Variants in NPAS3 observed in about 807,000 individuals in gnomAD.
NPAS3 encodes neuronal PAS domain-containing protein 3.
NPAS3 carries 14 observed loss-of-function variants against 73.1 expected under a neutral mutation model. That is an observed-to-expected ratio of 0.19 (90% CI 0.13 to 0.30). NPAS3 has a LOEUF of 0.30. Ranked by LOEUF, NPAS3 falls within the 10% of genes least tolerant of loss-of-function variation. The probability of loss-of-function intolerance (pLI) is 1.00; values close to 1 mark genes in which losing one functional copy is unlikely to be tolerated. For synonymous variants in NPAS3, 620 were observed against 541.5 expected (o/e 1.14, Z -2.01); for missense variants, 1,096 against 1,250.0 (o/e 0.88, Z 1.86).
At chr14:33,488,592 G>T (rs2051728989) in intron 4 of NPAS3, among the ~76,000 whole-genome samples, 1 of 152,138 alleles carries the variant, frequency 6.6e-6, no homozygotes, top group South Asian at 2.1e-4. Context: ...TTCCCTGAAT[G>T]AGTTCATCAT....
intron 3 of NPAS3, among the ~76,000 whole-genome samples, chr14:33,289,048 A>G (rs1594607916): frequency 6.6e-6 from 1 of 152,210 alleles, no homozygotes; most frequent in South Asian, 2.1e-4. Flanking sequence ...CAAGTCACTT[A>G]CGGAGAGAAA....
intron 3 of NPAS3, among the ~76,000 whole-genome samples, chr14:33,302,039 G>A (rs1263851074): frequency 2.6e-5 from 4 of 152,132 alleles, no homozygotes; most frequent in Non-Finnish European, 4.4e-5. Flanking sequence ...GCTTATGTCT[G>A]TTTTATTCAC....
chr14:33,756,171 T>C (rs1425224815), intron 7 of NPAS3, among the ~76,000 whole-genome samples: 2 of 152,184 alleles, frequency 1.3e-5, no homozygotes, highest in Non-Finnish European at 2.9e-5. Flanking sequence ...CCTCTTTGCA[T>C]TGGAATAAAG....
At chr14:33,528,653 G>A (rs752652692) in intron 4 of NPAS3, among the ~76,000 whole-genome samples, 2 of 151,992 alleles carry the variant, frequency 1.3e-5, no homozygotes, top group African/African-American at 4.8e-5. Context: ...ACCAGGCTGC[G>A]AAAAAGTTGC....
At chr14:33,290,209 C>T (rs1369247353) in intron 3 of NPAS3, among the ~76,000 whole-genome samples, 1 of 152,140 alleles carries the variant, frequency 6.6e-6, no homozygotes, top group Non-Finnish European at 1.5e-5. Flanking sequence ...ATGTAATATT[C>T]ACAGTTCAGA....
chr14:33,500,897 C>T (rs2052479733), intron 4 of NPAS3, among the ~76,000 whole-genome samples: 1 of 151,888 alleles, frequency 6.6e-6, no homozygotes, highest in Admixed American at 6.6e-5. Flanking sequence ...GGCCTCTTGG[C>T]CCAAAGAATA....
intron 4 of NPAS3, among the ~76,000 whole-genome samples, chr14:33,454,205 A>G (rs1417869348): frequency 1.3e-5 from 2 of 152,236 alleles, no homozygotes; most frequent in Non-Finnish European, 2.9e-5. Flanking sequence ...CAGTAAGTGT[A>G]TATTAATGCC....
At chr14:33,022,446 C>T (rs2039633215) in intron 1 of NPAS3, among the ~76,000 whole-genome samples, 2 of 152,042 alleles carry the variant, frequency 1.3e-5, no homozygotes, top group African/African-American at 4.8e-5. Context: ...GGGCGGATCA[C>T]GAGGTCAGGA....
intron 4 of NPAS3, among the ~76,000 whole-genome samples, chr14:33,517,027 G>A (rs2053335067): frequency 6.6e-6 from 1 of 152,068 alleles, no homozygotes. Context: ...AAAGGAAGTA[G>A]CAAATAAATA....
intron 1 of NPAS3, among the ~76,000 whole-genome samples, chr14:33,026,334 G>A (rs1288808916): frequency 6.6e-6 from 1 of 152,174 alleles, no homozygotes; most frequent in Non-Finnish European, 1.5e-5. Context: ...GCAATTGTAT[G>A]TTAATCAACT....
intron 7 of NPAS3, among the ~76,000 whole-genome samples, chr14:33,736,980 CAT>C (rs2061539252): frequency 6.6e-6 from 1 of 152,188 alleles, no homozygotes; most frequent in South Asian, 2.1e-4. Flanking sequence ...ATATAGTTCA[CAT>C]GTGTTAGCCC....
intron 4 of NPAS3, among the ~76,000 whole-genome samples, chr14:33,445,739 G>C (rs2049457122): frequency 6.6e-6 from 1 of 152,160 alleles, no homozygotes; most frequent in African/African-American, 2.4e-5. Flanking sequence ...CAACCTACTT[G>C]AATAGGAATT....
chr14:33,564,061 A>G (rs1595163721), intron 5 of NPAS3, among the ~76,000 whole-genome samples: 2 of 152,336 alleles, frequency 1.3e-5, no homozygotes, highest in East Asian at 1.9e-4. Flanking sequence ...AATAGCTTAC[A>G]TAAACACATA....
At chr14:33,104,439 T>C (rs1183845251) in intron 2 of NPAS3, among the ~76,000 whole-genome samples, 3 of 152,336 alleles carry the variant, frequency 2.0e-5, no homozygotes, top group South Asian at 2.1e-4. Flanking sequence ...TAGTGAGTTG[T>C]AGAAATTTTA....
chr14:33,028,985 C>G (rs560803625), intron 1 of NPAS3, among the ~76,000 whole-genome samples: 3 of 152,148 alleles, frequency 2.0e-5, no homozygotes, highest in East Asian at 3.9e-4. Flanking sequence ...CCTTCCCCCC[C>G]GCCCCTGATG....
At chr14:33,335,560 G>A (rs1468083811) in intron 3 of NPAS3, among the ~76,000 whole-genome samples, 1 of 152,256 alleles carries the variant, frequency 6.6e-6, no homozygotes, top group African/African-American at 2.4e-5. Flanking sequence ...GAGCTTTTAG[G>A]TTCTGTTTTC....
chr14:33,319,751 G>T (rs2768841), intron 3 of NPAS3, among the ~76,000 whole-genome samples: 1 of 152,040 alleles, frequency 6.6e-6, no homozygotes, highest in Non-Finnish European at 1.5e-5. Flanking sequence ...ACAACCTCCC[G>T]CAAAGCTCCA....
intron 2 of NPAS3, among the ~76,000 whole-genome samples, chr14:33,094,997 G>A (rs953083542): frequency 6.6e-6 from 1 of 152,140 alleles, no homozygotes; most frequent in African/African-American, 2.4e-5. Context: ...TTTAAAAATA[G>A]TGACTGCAGA....
At chr14:33,215,156 A>G in intron 2 of NPAS3, 26 bp from the exon 3 acceptor site, 1 of 1,610,918 alleles carries the variant, frequency 6.2e-7, no homozygotes, top group South Asian at 1.1e-5. Flanking sequence ...ATTCTAAACC[A>G]CACATTCTCA....
Sources: allele counts gnomAD v4.1 joint callset (sites outside exome capture counted in the v4.1 genomes callset), GRCh38; gene constraint gnomAD v4.1.1; transcripts MANE v1.5; gene names NCBI Gene and HGNC (gene_info 2026-07-23, HGNC 2026-07-21).